The following AKAP13 variants were observed in gnomAD, a reference collection of about 807,000 sequenced individuals.
The protein encoded by AKAP13 is A-kinase anchoring protein 13, also known as A-kinase anchor protein 13.
A neutral mutation model predicts 264.5 loss-of-function variants in AKAP13; 80 were observed. The ratio of observed to expected loss-of-function variants is 0.30; its 90% CI spans 0.25 to 0.36. The LOEUF is 0.36. Ranked by LOEUF, AKAP13 falls within the 10% of genes least tolerant of loss-of-function variation. AKAP13 has a pLI of 1.00. For synonymous variants in AKAP13, 1,380 were observed against 1,250.2 expected, an observed-to-expected ratio of 1.10 and a Z score of -2.19; for missense variants, 3,712 against 3,435.2, an observed-to-expected ratio of 1.08 and a Z score of -2.01.
chr15:85,596,261 G>T (rs952601837), intron 8 of AKAP13, among the ~76,000 whole-genome samples: 3 of 152,122 alleles, frequency 2.0e-5, no homozygotes, highest in Non-Finnish European at 4.4e-5. Context: ...TCTGTAGTTG[G>T]CATTTGCTCC....
At chr15:85,486,119 T>C (rs928419361) in intron 2 of AKAP13, among the ~76,000 whole-genome samples, 1 of 152,270 alleles carries the variant, frequency 6.6e-6, no homozygotes, top group Non-Finnish European at 1.5e-5. Flanking sequence ...ATTTACCTTA[T>C]GTTGCCACTA....
At chr15:85,464,567 T>C (rs1483941818) in intron 1 of AKAP13, among the ~76,000 whole-genome samples, 1 of 152,248 alleles carries the variant, frequency 6.6e-6, no homozygotes, top group African/African-American at 2.4e-5. Context: ...ATAATTATTC[T>C]GTTTTAAGGA....
At position 85,741,274 on chromosome 15, in the gene AKAP13, C is replaced by T. The variant is rs772224694; in HGVS notation, c.7837C>T (p.Arg2613Trp). 7 of 1,609,744 alleles carry T rather than the reference C, an allele frequency of 4.3e-6. No individual in the cohort carries two copies. The highest frequency in any genetic ancestry group is 2.2e-5 in the East Asian group (1 of 44,672). Reference protein sequence around the residue: ...REWEARERELREREALLAQRE... With the variant: ...REWEARERELWEREALLAQRE... ...GTGGGAAGCTCGTGAGAGGGAGCTG[C>T]GGGAGCGGGAGGCCCTCCTGGCCCA... Residue 2613 changes from arginine (R) to tryptophan (W), a missense_variant, in exon 35 of 37, where the codon CGG becomes TGG. Arg to Trp is a moderately radical substitution (Grantham distance 101). Around this residue, in one of 3 missense-constraint regions of AKAP13, gnomAD observed 611 missense variants for 539.3 expected, o/e 1.13. Transcript: ENST00000394518.
chr15:85,613,143 CTT>C (rs1456371109), intron 8 of AKAP13, among the ~76,000 whole-genome samples: 3 of 152,094 alleles, frequency 2.0e-5, no homozygotes, highest in African/African-American at 7.2e-5. Context: ...ATACAACAGT[CTT>C]TAGGATCTGG....
At chr15:85,584,292 C>T (rs7175045) in intron 7 of AKAP13, among the ~76,000 whole-genome samples, 3,319 of 152,246 alleles carry the variant, frequency 0.022, 109 homozygotes, top group African/African-American at 0.07. Context: ...GACTGAGCCA[C>T]GCCAGTCCTG....
rs763987460 is a variant in AKAP13 at position 85,715,822 on chromosome 15, C to T, written c.5634C>T (p.Val1878=). Residue 1878 remains valine, a synonymous_variant, in exon 20 of 37, where the codon GTC becomes GTT. Coordinates refer to ENST00000394518, the MANE Select transcript of AKAP13 (RefSeq NM_007200.5). ...SQPKERPRSA[V]LLVDETATTP... ...CCAAGGAGCGTCCTCGGTCCGCAGT[C>T]CTCCTGGTGGATGAAACCGCTACCA... 2 of 1,613,060 alleles carry T rather than the reference C, an allele frequency of 1.2e-6. No homozygotes were observed. Among genetic ancestry groups the T allele is most frequent in the Non-Finnish European group, 1.7e-6 (2 of 1,179,826 alleles).
chr15:85,639,421 A>G lies in AKAP13; in HGVS notation c.4209A>G (p.Ala1403=), dbSNP rs2082205286. ...WCTIEPCPDA[A]SLLASKQSPE... ...CAATAGAGCCATGCCCTGATGCAGC[A>G]TCTCTTCTGGCTTCCAAGCAGAGCC... Residue 1403 remains alanine (A), a synonymous_variant, in exon 9 of 37, where the codon GCA becomes GCG. Coordinates refer to ENST00000394518, the MANE Select transcript of AKAP13 (RefSeq NM_007200.5). 6.2e-7 allele frequency: 1 copy of G among 1,613,156 alleles called. No homozygotes were observed. Among genetic ancestry groups the G allele is most frequent in the African/African-American group, 1.3e-5 (1 of 74,884 alleles).
At chr15:85,608,229 G>T (rs2080440786) in intron 8 of AKAP13, among the ~76,000 whole-genome samples, 2 of 152,248 alleles carry the variant, frequency 1.3e-5, no homozygotes, top group South Asian at 4.1e-4. Context: ...TTGGGTTGTG[G>T]TTATTTTGAG....
At chr15:85,508,696 TA>T (rs913442794) in intron 2 of AKAP13, among the ~76,000 whole-genome samples, 1 of 151,584 alleles carries the variant, frequency 6.6e-6, no homozygotes, top group African/African-American at 2.4e-5. Flanking sequence ...AGCATCACAC[TA>T]AAAAAGAAAA....
intron 8 of AKAP13, among the ~76,000 whole-genome samples, chr15:85,638,473 A>G (rs1203471865): frequency 6.6e-6 from 1 of 152,084 alleles, no homozygotes; most frequent in Non-Finnish European, 1.5e-5. Flanking sequence ...GGAGTGTTCT[A>G]TATTGTGTTA....
chr15:85,477,636 GGAA>G lies in AKAP13; in HGVS notation c.-11-8073_-11-8071del, dbSNP rs1177132701. The stretch of plus-strand genomic sequence containing the variant: ...GAAATTTGAACTGAGCTTAAAAAAA[GGAA>G]AAAAAAAAAAAAAAAAAAAGGCAGA... On this transcript the variant is annotated intron_variant, in intron 1 of 36. Transcript: ENST00000394518. Among the ~76,000 whole-genome samples the G allele has an allele frequency of 9.2e-3, 315 of 34,312 alleles. 2 individuals are homozygous for G. The highest frequency in any genetic ancestry group is 0.06 in the Admixed American group (208 of 3,442). 22.5% of individuals were successfully genotyped at this position (34,312 alleles called of 152,430 possible). A position where few individuals can be genotyped will look rare whatever the true frequency, so the allele number is the denominator to read the frequency against.
At chr15:85,731,966 C>T (rs1345942371) in intron 30 of AKAP13, among the ~76,000 whole-genome samples, 2 of 151,932 alleles carry the variant, frequency 1.3e-5, no homozygotes, top group African/African-American at 4.8e-5. Context: ...GGCTGTAGTC[C>T]CAGCTCCTCA....
chr15:85,531,683 C>T (rs923519097), intron 3 of AKAP13, among the ~76,000 whole-genome samples: 5 of 152,158 alleles, frequency 3.3e-5, no homozygotes, highest in East Asian at 1.9e-4. Flanking sequence ...TGCACGTGCT[C>T]GCACTTGCAC....
At chr15:85,740,512 T>A (rs916959707) in intron 34 of AKAP13, 1 of 510,916 alleles carries the variant, frequency 2.0e-6, no homozygotes, top group Non-Finnish European at 3.5e-6. Context: ...ACAAATCACA[T>A]AGCATGCTAA....
chr15:85,662,399 G>C, intron 12 of AKAP13: 1 of 1,614,096 alleles, frequency 6.2e-7, no homozygotes, highest in Non-Finnish European at 8.5e-7. Context: ...ATGAGCTGGT[G>C]CCCCTCTGGT....
intron 6 of AKAP13, among the ~76,000 whole-genome samples, chr15:85,578,175 G>C (rs10459685): frequency 0.61 from 93,385 of 151,944 alleles, 28,866 homozygotes; most frequent in Middle Eastern, 0.72. Flanking sequence ...CCTAGCTACT[G>C]AAGAGGCTGA....
intron 4 of AKAP13, among the ~76,000 whole-genome samples, chr15:85,542,644 T>A (rs974712622): frequency 6.6e-6 from 1 of 151,930 alleles, no homozygotes; most frequent in Non-Finnish European, 1.5e-5. Context: ...CTCCCTGGAG[T>A]TAAGTGTAGT....
chr15:85,588,902 A>G (rs1398989128), intron 8 of AKAP13, among the ~76,000 whole-genome samples: 3 of 152,214 alleles, frequency 2.0e-5, no homozygotes, highest in African/African-American at 7.2e-5. Flanking sequence ...CCTGAGAACC[A>G]TGTAATTTAT....
At chr15:85,446,890 C>T (rs1328825805) in intron 1 of AKAP13, among the ~76,000 whole-genome samples, 1 of 151,930 alleles carries the variant, frequency 6.6e-6, no homozygotes, top group African/African-American at 2.4e-5. Context: ...TGGGTTTCAC[C>T]AAGGAAGGAA....
Sources: allele counts gnomAD v4.1 joint callset (sites outside exome capture counted in the v4.1 genomes callset), GRCh38; gene constraint gnomAD v4.1.1; regional missense constraint gnomAD v4.1.1; transcripts MANE v1.5; gene names NCBI Gene and HGNC (gene_info 2026-07-23, HGNC 2026-07-21).